ODAD2: variants seen among roughly 807,000 people sequenced by gnomAD.
The protein encoded by ODAD2 is outer dynein arm-docking complex subunit 2.
In ODAD2, 89 loss-of-function variants were observed where a neutral mutation model predicts 106.8. That is an observed-to-expected ratio of 0.83 (90% CI 0.70 to 0.99). The LOEUF (loss-of-function observed/expected upper bound fraction) is 0.99. Ranked by LOEUF, ODAD2 falls within the 50% of genes least tolerant of loss-of-function variation. ODAD2 has a pLI of 0.00. For missense variants in ODAD2, 1,168 were observed against 1,238.5 expected (o/e 0.94, Z 0.85); for synonymous variants, 404 against 436.2 (o/e 0.93, Z 0.92).
chr10:27,957,972 G>C lies in ODAD2; in HGVS notation c.1386+3596C>G, dbSNP rs528003489. On this transcript the variant is annotated intron_variant, in intron 10 of 19. Coordinates refer to ENST00000305242, the MANE Select transcript of ODAD2 (RefSeq NM_018076.5). ...CATAATTTCATAAATTAAAATGTCA[G>C]GTGTATTTATTTTGAGATTACCTAG... Among the ~76,000 whole-genome samples the C allele has an allele frequency of 6.6e-5, 10 of 152,104 alleles. No homozygotes were observed. In the South Asian group the frequency reaches 2.1e-3, roughly 32 times the overall value.
chr10:27,877,619 GA>G (rs1363019325), intron 17 of ODAD2, among the ~76,000 whole-genome samples: 1 of 152,154 alleles, frequency 6.6e-6, no homozygotes, highest in Non-Finnish European at 1.5e-5. Context: ...TCTGAGGATG[GA>G]AAAAGTAATT....
intron 17 of ODAD2, among the ~76,000 whole-genome samples, chr10:27,889,745 A>G (rs188609426): frequency 1.3e-3 from 198 of 152,246 alleles, no homozygotes; most frequent in Non-Finnish European, 2.2e-3. Flanking sequence ...ATGCATTCTC[A>G]CAGTAGAACA....
intron 1 of ODAD2, among the ~76,000 whole-genome samples, chr10:27,995,952 T>C (rs1850535159): frequency 6.6e-6 from 1 of 152,212 alleles, no homozygotes; most frequent in Non-Finnish European, 1.5e-5. Context: ...CCTTTTTATC[T>C]AAATTAGTTA....
chr10:27,893,752 AT>A (rs1842703041), intron 17 of ODAD2, among the ~76,000 whole-genome samples: 1 of 152,208 alleles, frequency 6.6e-6, no homozygotes, highest in Non-Finnish European at 1.5e-5. Context: ...GGGCTATACT[AT>A]TTGGTATGAT....
At chr10:27,828,951 T>C (rs1415233332) in intron 19 of ODAD2, among the ~76,000 whole-genome samples, 5 of 152,188 alleles carry the variant, frequency 3.3e-5, no homozygotes. Context: ...TGCCTTTATA[T>C]GTATCTGTCT....
At chr10:27,934,249 G>A (rs1229765028) in intron 16 of ODAD2, among the ~76,000 whole-genome samples, 1 of 151,866 alleles carries the variant, frequency 6.6e-6, no homozygotes, top group East Asian at 1.9e-4. Context: ...GTCTTTATCA[G>A]CAGCATGAAA....
At chr10:27,907,819 A>G in intron 16 of ODAD2, 42 bp from the exon 17 acceptor site, 5 of 1,265,212 alleles carry the variant, frequency 4.0e-6, no homozygotes, top group Non-Finnish European at 5.8e-6. Flanking sequence ...TGTCATTAGT[A>G]TGTGAAGACA....
chr10:27,920,996 A>G (rs1322186774), intron 16 of ODAD2, among the ~76,000 whole-genome samples: 1 of 152,226 alleles, frequency 6.6e-6, no homozygotes, highest in Non-Finnish European at 1.5e-5. Context: ...ACACGATCAC[A>G]TAACACTGGG....
Position 27,985,067 on chromosome 10 carries a change from T to C in ODAD2, c.527A>G (p.Lys176Arg), listed in dbSNP as rs1328885643. Residue 176 changes from lysine to arginine, a missense_variant, in exon 4 of 20, where the codon AAG (lysine) becomes AGG (arginine). Physicochemically the swap from Lys to Arg is conservative, Grantham distance 26 (BLOSUM62 2). Around this residue, in one of 3 missense-constraint regions of ODAD2, gnomAD observed 430 missense variants for 452.2 expected, o/e 0.95. Coordinates refer to ENST00000305242, the MANE Select transcript of ODAD2 (RefSeq NM_018076.5). ...EIKMKIAMLL[K>R]QLDLHLLNHS... is the part of the protein sequence containing the mutation. ...ATTGAGGAGGTGCAGATCCAATTGCTTAAGCAGCATAGCAATCTTCATCTT... is the reference window on the plus strand; with the variant it reads ...ATTGAGGAGGTGCAGATCCAATTGCCTAAGCAGCATAGCAATCTTCATCTT... 2 of 1,609,218 alleles carry C rather than the reference T, an allele frequency of 1.2e-6. No individual in the cohort carries two copies. The highest frequency in any genetic ancestry group is 2.7e-5 in the African/African-American group (2 of 74,794).
At chr10:27,972,518 G>C (rs1848926494) in intron 7 of ODAD2, among the ~76,000 whole-genome samples, 1 of 152,154 alleles carries the variant, frequency 6.6e-6, no homozygotes, top group Non-Finnish European at 1.5e-5. Context: ...CTAACTATTT[G>C]TGGCCTAAAG....
chr10:27,873,845 G>A (rs1337062051), intron 17 of ODAD2, among the ~76,000 whole-genome samples: 2 of 152,174 alleles, frequency 1.3e-5, no homozygotes, highest in South Asian at 2.1e-4. Flanking sequence ...GATTTGGGGT[G>A]GAGAGTTCTG....
chr10:27,838,029 T>C (rs1838033808), intron 19 of ODAD2, among the ~76,000 whole-genome samples: 1 of 152,200 alleles, frequency 6.6e-6, no homozygotes. Flanking sequence ...TTTTGTATTT[T>C]TTTAAATAAC....
chr10:27,815,627 C>G (rs772614819), intron 19 of ODAD2, among the ~76,000 whole-genome samples: 6 of 152,200 alleles, frequency 3.9e-5, no homozygotes, highest in Non-Finnish European at 8.8e-5. Flanking sequence ...TACCGTACTC[C>G]CCTGCTTTTC....
At chr10:27,941,848 G>A (rs768490426) in intron 12 of ODAD2, among the ~76,000 whole-genome samples, 46 of 151,950 alleles carry the variant, frequency 3.0e-4, no homozygotes, top group Non-Finnish European at 5.9e-4. Context: ...GATACTGCCC[G>A]TAACCACCAA....
At chr10:27,870,158 T>C (rs1476283426) in intron 17 of ODAD2, among the ~76,000 whole-genome samples, 1 of 152,034 alleles carries the variant, frequency 6.6e-6, no homozygotes, top group Non-Finnish European at 1.5e-5. Context: ...CTCTATTGGC[T>C]TCATTTTTCT....
intron 19 of ODAD2, among the ~76,000 whole-genome samples, chr10:27,837,893 G>T (rs1331176153): frequency 1.3e-5 from 2 of 152,116 alleles, no homozygotes; most frequent in African/African-American, 4.8e-5. Flanking sequence ...TAATAAATTT[G>T]ATTTTTAATG....
At chr10:27,826,583 T>C (rs1178299369) in intron 19 of ODAD2, among the ~76,000 whole-genome samples, 1 of 152,004 alleles carries the variant, frequency 6.6e-6, no homozygotes, top group East Asian at 1.9e-4. Flanking sequence ...CACGCACAGA[T>C]TCCCGCTGCA....
At chr10:27,926,625 T>C (rs1390147191) in intron 16 of ODAD2, among the ~76,000 whole-genome samples, 1 of 152,200 alleles carries the variant, frequency 6.6e-6, no homozygotes, top group Non-Finnish European at 1.5e-5. Context: ...TTTTGTGTTG[T>C]CTCTCTGCTT....
At chr10:27,948,460 A>G (rs998390462) in intron 10 of ODAD2, among the ~76,000 whole-genome samples, 1 of 152,172 alleles carries the variant, frequency 6.6e-6, no homozygotes, top group Non-Finnish European at 1.5e-5. Flanking sequence ...GGATTTTTGA[A>G]TGTTTGTTCC....
Sources: allele counts gnomAD v4.1 joint callset (sites outside exome capture counted in the v4.1 genomes callset), GRCh38; gene constraint gnomAD v4.1.1; regional missense constraint gnomAD v4.1.1; transcripts MANE v1.5; gene names NCBI Gene and HGNC (gene_info 2026-07-23, HGNC 2026-07-21).